Variants in PWWP3A observed in about 807,000 individuals in gnomAD.
The protein encoded by PWWP3A is PWWP domain containing 3A, DNA repair factor.
A neutral mutation model predicts 79.0 loss-of-function variants in PWWP3A; 53 were observed. The observed-to-expected ratio is 0.67, with a 90% CI of 0.54 to 0.84. The LOEUF is 0.84. Among genes scored for constraint, PWWP3A ranks in the 40% least tolerant of loss-of-function variants. PWWP3A has a pLI of 0.00. For missense variants in PWWP3A, 973 were observed against 948.0 expected, an observed-to-expected ratio of 1.03 and a Z score of -0.35; for synonymous variants, 443 against 394.4, an observed-to-expected ratio of 1.12 and a Z score of -1.46.
chr19:1,355,248 C>T (rs898380682), intron 1 of PWWP3A, 113 bp downstream of exon 1: 2 of 152,392 alleles, frequency 1.3e-5, no homozygotes, highest in African/African-American at 4.8e-5. Flanking sequence ...AGCGCCCGGT[C>T]CCTACCGCCG....
intron 2 of PWWP3A, 50 bp downstream of exon 2, chr19:1,356,499 G>T: frequency 6.3e-7 from 1 of 1,579,742 alleles, no homozygotes; most frequent in South Asian, 1.1e-5. Flanking sequence ...ACTTTCGGGT[G>T]ACAAGTAAAA....
intron 13 of PWWP3A, 125 bp from the exon 14 acceptor site, chr19:1,376,394 T>TTG (rs961453763): frequency 1.3e-5 from 9 of 717,400 alleles, no homozygotes; most frequent in Non-Finnish European, 1.9e-5. Context: ...GACCTTGTGA[T>TTG]CCGCCTGCCT....
At chr19:1,371,176 C>A in intron 12 of PWWP3A, 98 bp downstream of exon 12, 1 of 1,415,046 alleles carries the variant, frequency 7.1e-7, no homozygotes, top group Non-Finnish European at 9.7e-7. Flanking sequence ...CGCCCCTGCT[C>A]CCTGGCCGTT....
chr19:1,360,363 A>G lies in PWWP3A; in HGVS notation c.442A>G (p.Arg148Gly). The G allele has an allele frequency of 6.2e-7, 1 of 1,614,166 alleles. No homozygotes were observed. Among genetic ancestry groups the G allele is most frequent in the African/African-American group, 1.3e-5 (1 of 75,066 alleles). Residue 148 changes from arginine (R) to glycine (G), a missense_variant, in exon 5 of 14, where the codon AGA becomes GGA. Coordinates refer to ENST00000591337, the MANE Select transcript of PWWP3A (RefSeq NM_001369789.1). The surrounding 1 kb of genome is among the most constrained non-coding windows in gnomAD (Gnocchi z 4.4). ...LPRGDVLGSS[R>G]PHRRRPCVQQ... ...CCGCGGAGACGTGTTGGGCAGTTCC[A>G]GACCTCACAGGAGGAGGCCATGTGT...
rs369493812 is a variant in PWWP3A at position 1,366,314 on chromosome 19, G to A, written c.1294G>A (p.Val432Ile). Residue 432 changes from valine (V) to isoleucine (I), a missense_variant, in exon 8 of 14, where the codon GTC (valine) becomes ATC (isoleucine). Coordinates refer to ENST00000591337, the MANE Select transcript of PWWP3A (RefSeq NM_001369789.1). ...YPFWPAVVKS[V>I]RQRDKKASVL... ...TTGGATTTGTGAACAGGTCAAAAGC[G>A]TCAGGCAGAGAGATAAGAAAGCAAG... 23 of 1,614,050 alleles carry A rather than the reference G, an allele frequency of 1.4e-5. No individual in the cohort carries two copies. Among genetic ancestry groups the A allele is most frequent in the Middle Eastern group, 1.6e-4 (1 of 6,084 alleles).
chr19:1,368,164 C>T lies in PWWP3A; in HGVS notation c.1422+944C>T, dbSNP rs1028400067. Among the ~76,000 whole-genome samples, 1 of 152,134 alleles carries T rather than the reference C, an allele frequency of 6.6e-6. No homozygotes were observed. The highest frequency in any genetic ancestry group is 2.4e-5 in the African/African-American group (1 of 41,414). On this transcript the variant is annotated intron_variant, in intron 9 of 13. Transcript: ENST00000591337. This position sits in a 1 kb window ranked among gnomAD's most constrained non-coding sequence, Gnocchi z 4.7. The stretch of plus-strand genomic sequence containing the variant: ...GGTCTCGAACTCCTGACCTCATGAT[C>T]CGCCTGCCTCAGCCTCTCAAAGTGC...
Position 1,373,173 on chromosome 19 carries a change from C to G in PWWP3A, c.2075+13C>G, listed in dbSNP as rs377317429. The G allele has an allele frequency of 6.8e-6, 11 of 1,610,284 alleles. No individual in the cohort carries two copies. In the African/African-American group the frequency reaches 1.2e-4, roughly 18 times the overall value. On this transcript the variant is annotated intron_variant, in intron 13 of 13. Transcript: ENST00000591337. ...CGCTGAGCTACCGGTAGGCCGCTCC[C>G]GGCGCTATCTCCAGCCACTTGCGTC...
intron 12 of PWWP3A, 122 bp downstream of exon 12, chr19:1,371,200 A>AGCGT: frequency 9.2e-7 from 1 of 1,092,032 alleles, no homozygotes. Context: ...CGGCCAACGG[A>AGCGT]GCGTGGAGGC....
At chr19:1,371,529 A>G in intron 12 of PWWP3A, 1 of 631,460 alleles carries the variant, frequency 1.6e-6, no homozygotes, top group South Asian at 1.8e-5. Context: ...GGTAAGTTAA[A>G]CACACAAATT....
rs957321957 is a variant in PWWP3A at position 1,368,374 on chromosome 19, G to A, written c.1423-891G>A. Among the ~76,000 whole-genome samples the A allele has an allele frequency of 6.6e-6, 1 of 152,136 alleles. No homozygotes were observed. Among genetic ancestry groups the A allele is most frequent in the Non-Finnish European group, 1.5e-5 (1 of 68,028 alleles). Reference sequence around the variant, plus strand: ...GCCCGCTTCTTCTTCCTAAGAGTGCGCTCACATCTGCTTGTGAGTCAGGTA... The same window carrying A: ...GCCCGCTTCTTCTTCCTAAGAGTGCACTCACATCTGCTTGTGAGTCAGGTA... On this transcript the variant is annotated intron_variant, in intron 9 of 13. Transcript: ENST00000591337. This position sits in a 1 kb window ranked among gnomAD's most constrained non-coding sequence, Gnocchi z 4.7.
At chr19:1,358,367 T>C in intron 3 of PWWP3A, 27 bp from the exon 4 acceptor site, 2 of 1,597,908 alleles carry the variant, frequency 1.3e-6, no homozygotes, top group East Asian at 2.2e-5. Flanking sequence ...TGGCTGGTGG[T>C]GTGTAACGTC....
At chr19:1,355,226 G>C (rs2081818833) in intron 1 of PWWP3A, 91 bp downstream of exon 1, 1 of 152,096 alleles carries the variant, frequency 6.6e-6, no homozygotes, top group Non-Finnish European at 1.5e-5. Context: ...CCGGCCTAGA[G>C]ACTCCTCCGG....
rs749128926 is a variant in PWWP3A, at chr19:1,369,218, C to T, written c.1423-47C>T. ...CTGCGTGGCTTCTGAACCCAGGGTGCTTGGCACTGCCTCCCACTGACGCCT... is the reference window on the plus strand; with the variant it reads ...CTGCGTGGCTTCTGAACCCAGGGTGTTTGGCACTGCCTCCCACTGACGCCT... On this transcript the variant is annotated intron_variant, in intron 9 of 13. Coordinates refer to ENST00000591337, the MANE Select transcript of PWWP3A (RefSeq NM_001369789.1). This position sits in a 1 kb window ranked among gnomAD's most constrained non-coding sequence, Gnocchi z 4.0. 8.2e-6 allele frequency: 13 copies of T among 1,592,986 alleles called. No individual in the cohort carries two copies. The highest frequency in any genetic ancestry group is 1.0e-5 in the Non-Finnish European group (12 of 1,162,394).
chr19:1,371,158 A>ACGGTCCTCGCCCCTGCTCCCTGGC, intron 12 of PWWP3A, 80 bp downstream of exon 12: 1 of 1,480,680 alleles, frequency 6.8e-7, no homozygotes. Flanking sequence ...GGAGGCTGCC[A>ACGGTCCTCGCCCCTGCTCCCTGGC]CGGTCCTCGC....
In PWWP3A at chr19:1,370,711, G is replaced by T. The variant is rs749371952; in HGVS notation, c.1619G>T (p.Ser540Ile). Residue 540 changes from serine to isoleucine, a missense_variant, in exon 12 of 14, where the codon AGC (serine) becomes ATC (isoleucine). By Grantham distance (142) the Ser-to-Ile change is moderately radical. Transcript: ENST00000591337. The part of the protein sequence containing the change: ...GTKLPQLSKG[S>I]PEEPVVGCPL... ...AAGCTTCCTCAACTGAGCAAGGGGA[G>T]CCCCGAGGAGCCCGTGGTGGGGTGC... is the stretch of plus-strand genomic sequence containing the variant. 6.8e-5 allele frequency: 99 copies of T among 1,463,128 alleles called. No individual in the cohort carries two copies. Among genetic ancestry groups the T allele is most frequent in the Non-Finnish European group, 8.7e-5 (96 of 1,105,754 alleles). The allele number at this position is 1,463,128 out of a possible 1,614,324, so 90.6% of individuals were successfully genotyped here.
intron 1 of PWWP3A, among the ~76,000 whole-genome samples, chr19:1,355,361 T>G (rs1416531842): frequency 1.3e-5 from 2 of 151,350 alleles, no homozygotes; most frequent in Admixed American, 1.3e-4. Context: ...GGACCCCATC[T>G]CTTGCTTGGA....
At chr19:1,367,360 G>A (rs932623857) in intron 9 of PWWP3A, 140 bp downstream of exon 9, 12 of 709,282 alleles carry the variant, frequency 1.7e-5, no homozygotes, top group Non-Finnish European at 2.4e-5. Flanking sequence ...GCCAGGCTGC[G>A]CTCTGGCCGT....
chr19:1,364,407 AT>A (rs1309815204), intron 6 of PWWP3A, 101 bp from the exon 7 acceptor site: 1 of 828,122 alleles, frequency 1.2e-6, no homozygotes, highest in African/African-American at 1.7e-5. Flanking sequence ...TTTTAACAAT[AT>A]CGTGCTAACT....
In PWWP3A at chr19:1,368,106, G is replaced by T. The variant is rs1037692707; in HGVS notation, c.1422+886G>T. Among the ~76,000 whole-genome samples, 1 of 152,078 alleles carries T rather than the reference G, an allele frequency of 6.6e-6. No individual in the cohort carries two copies. The highest frequency in any genetic ancestry group is 2.4e-5 in the African/African-American group (1 of 41,390). Reference sequence around the variant, plus strand: ...CACCCGGCTAATTTTTGTATTTTTAGTAGAGACGGGGTTTCATCATATTGG... The same window carrying T: ...CACCCGGCTAATTTTTGTATTTTTATTAGAGACGGGGTTTCATCATATTGG... On this transcript the variant is annotated intron_variant, in intron 9 of 13. Transcript: ENST00000591337. This position sits in a 1 kb window ranked among gnomAD's most constrained non-coding sequence, Gnocchi z 4.7.
Sources: gnomAD v4.1 joint callset for allele counts (sites outside exome capture counted in the v4.1 genomes callset) on GRCh38, gnomAD v4.1.1 for gene constraint, Gnocchi (gnomAD v3.1) non-coding constraint, MANE v1.5 for transcripts, NCBI Gene and HGNC (gene_info 2026-07-23, HGNC 2026-07-21) for gene names.